Variants in GNAQ observed in about 807,000 individuals in gnomAD.
GNAQ encodes the protein guanine nucleotide-binding protein G(q) subunit alpha.
In GNAQ, 8 loss-of-function variants were observed where a neutral mutation model predicts 43.9. The observed-to-expected ratio is 0.18, with a 90% CI of 0.11 to 0.33. The LOEUF (loss-of-function observed/expected upper bound fraction) is 0.33, where lower values mean the gene tolerates loss of function less well. GNAQ is among the 10% of genes least tolerant of loss of function. GNAQ has a pLI of 1.00. For synonymous variants in GNAQ, 155 were observed against 170.7 expected, an observed-to-expected ratio of 0.91 and a Z score of 0.71; for missense variants, 158 against 450.8, an observed-to-expected ratio of 0.35 and a Z score of 5.88.
chr9:77,970,674 C>T (rs1215021828), intron 1 of GNAQ, among the ~76,000 whole-genome samples: 1 of 151,978 alleles, frequency 6.6e-6, no homozygotes, highest in East Asian at 1.9e-4. Flanking sequence ...TAAATGCCCA[C>T]AAGAGAAAGC....
chr9:77,813,093 TTAGTAGAGA>T (rs1178664370), intron 3 of GNAQ, among the ~76,000 whole-genome samples: 1 of 151,950 alleles, frequency 6.6e-6, no homozygotes, highest in Admixed American at 6.6e-5. Flanking sequence ...TTTGGTATTT[TTAGTAGAGA>T]CAGGGTTTCA....
chr9:78,006,912 A>G (rs1823713871), intron 1 of GNAQ, among the ~76,000 whole-genome samples: 1 of 152,150 alleles, frequency 6.6e-6, no homozygotes, highest in African/African-American at 2.4e-5. Flanking sequence ...GAGGTTTAGC[A>G]TTGTGTGTGA....
intron 1 of GNAQ, among the ~76,000 whole-genome samples, chr9:77,975,926 T>C (rs939820207): frequency 1.3e-5 from 2 of 152,198 alleles, no homozygotes; most frequent in Non-Finnish European, 2.9e-5. Flanking sequence ...GTGTGTTCTT[T>C]TGAAGACCCT....
intron 3 of GNAQ, among the ~76,000 whole-genome samples, chr9:77,800,649 C>T (rs904281713): frequency 6.6e-6 from 1 of 152,098 alleles, no homozygotes; most frequent in Non-Finnish European, 1.5e-5. Flanking sequence ...CAGCATGGCA[C>T]ATGTATACAT....
At chr9:77,881,644 G>A (rs1564139830) in intron 2 of GNAQ, among the ~76,000 whole-genome samples, 2 of 152,102 alleles carry the variant, frequency 1.3e-5, no homozygotes, top group Admixed American at 6.5e-5. Context: ...TTGGCCTCCC[G>A]AAGCACTGGG....
At chr9:77,846,153 A>T (rs561921997) in intron 2 of GNAQ, among the ~76,000 whole-genome samples, 73 of 152,352 alleles carry the variant, frequency 4.8e-4, no homozygotes, top group Middle Eastern at 3.4e-3. Flanking sequence ...AATATAATTT[A>T]AAAAACATTG....
At chr9:77,999,435 C>T (rs1186700198) in intron 1 of GNAQ, among the ~76,000 whole-genome samples, 1 of 152,190 alleles carries the variant, frequency 6.6e-6, no homozygotes, top group African/African-American at 2.4e-5. Context: ...CTAAACCAAA[C>T]TCAGTACTTT....
Position 77,754,997 on chromosome 9 carries a change from C to T in GNAQ, c.736-26330G>A, listed in dbSNP as rs112035039. Among the ~76,000 whole-genome samples, 860 of 152,202 alleles carry T rather than the reference C, an allele frequency of 5.7e-3. 2 individuals carry two copies. The highest frequency in any genetic ancestry group is 0.02 in the African/African-American group (815 of 41,520). ...AGCAACTTAAGTCTCTCTTAACAGACAAATGGATAAAGAAAATGTGATACA... is the reference window on the plus strand; with the variant it reads ...AGCAACTTAAGTCTCTCTTAACAGATAAATGGATAAAGAAAATGTGATACA... On this transcript the variant is annotated intron_variant, in intron 5 of 6. Coordinates refer to ENST00000286548, the MANE Select transcript of GNAQ (RefSeq NM_002072.5).
chr9:78,020,106 A>G lies in GNAQ; in HGVS notation c.136+10994T>C, dbSNP rs572317214. On this transcript the variant is annotated intron_variant, in intron 1 of 6. Transcript: ENST00000286548. ...TGTTATTTCTACATTACATGCCTCC[A>G]CTTTGCATGAATCTACCTGGCAAGA... Among the ~76,000 whole-genome samples, 61 of 152,224 alleles carry G rather than the reference A, an allele frequency of 4.0e-4. No individual in the cohort carries two copies. In the South Asian group the frequency reaches 0.012, roughly 31 times the overall value.
At chr9:78,016,545 C>T (rs938445898) in intron 1 of GNAQ, among the ~76,000 whole-genome samples, 4 of 151,936 alleles carry the variant, frequency 2.6e-5, no homozygotes, top group Non-Finnish European at 5.9e-5. Context: ...ATTAGCCAGG[C>T]GTCCCAGCTA....
At chr9:77,907,449 A>C (rs1163659162) in intron 2 of GNAQ, among the ~76,000 whole-genome samples, 2 of 152,234 alleles carry the variant, frequency 1.3e-5, no homozygotes, top group Non-Finnish European at 2.9e-5. Context: ...TTGACTGCAC[A>C]TTAAAGAACT....
At chr9:78,002,120 T>C (rs951068230) in intron 1 of GNAQ, among the ~76,000 whole-genome samples, 55 of 152,332 alleles carry the variant, frequency 3.6e-4, no homozygotes, top group Admixed American at 1.4e-3. Flanking sequence ...CCTTTGACAT[T>C]AGCAGTCAAC....
At chr9:77,852,878 T>C (rs1827692722) in intron 2 of GNAQ, among the ~76,000 whole-genome samples, 1 of 152,178 alleles carries the variant, frequency 6.6e-6, no homozygotes, top group Non-Finnish European at 1.5e-5. Flanking sequence ...AGTGATTTCA[T>C]CTTCATTTTT....
intron 2 of GNAQ, among the ~76,000 whole-genome samples, chr9:77,823,983 A>G (rs1346366970): frequency 6.6e-6 from 1 of 152,248 alleles, no homozygotes; most frequent in Non-Finnish European, 1.5e-5. Flanking sequence ...TCTTCCTAAA[A>G]TATAAACTTT....
intron 3 of GNAQ, among the ~76,000 whole-genome samples, chr9:77,805,427 T>TG (rs1355503352): frequency 6.6e-6 from 1 of 152,024 alleles, no homozygotes; most frequent in African/African-American, 2.4e-5. Context: ...TTTTTTGAGA[T>TG]GGAGTCTCGC....
intron 1 of GNAQ, among the ~76,000 whole-genome samples, chr9:77,957,797 G>T (rs1823061006): frequency 6.6e-6 from 1 of 152,158 alleles, no homozygotes; most frequent in African/African-American, 2.4e-5. Flanking sequence ...AAGTGCAGAG[G>T]CAAGTCTAGT....
chr9:77,727,834 TCTTAA>T (rs1462507926), intron 6 of GNAQ, among the ~76,000 whole-genome samples: 4 of 152,080 alleles, frequency 2.6e-5, no homozygotes, highest in Non-Finnish European at 5.9e-5. Flanking sequence ...AGTGGTGGGC[TCTTAA>T]CTTCAAAATT....
At chr9:77,960,955 T>C (rs1434813092) in intron 1 of GNAQ, among the ~76,000 whole-genome samples, 1 of 152,234 alleles carries the variant, frequency 6.6e-6, no homozygotes, top group Non-Finnish European at 1.5e-5. Flanking sequence ...TCATTCCCTG[T>C]ATGACATATC....
At chr9:77,771,590 C>A (rs1826223469) in intron 5 of GNAQ, among the ~76,000 whole-genome samples, 1 of 152,150 alleles carries the variant, frequency 6.6e-6, no homozygotes, top group Non-Finnish European at 1.5e-5. Flanking sequence ...TCTGGACTAC[C>A]AATCTCTCAT....
Sources: gnomAD v4.1 joint callset for allele counts (sites outside exome capture counted in the v4.1 genomes callset) on GRCh38, gnomAD v4.1.1 for gene constraint, MANE v1.5 for transcripts, NCBI Gene and HGNC (gene_info 2026-07-23, HGNC 2026-07-21) for gene names.